The following ZNF676 variants were observed in gnomAD, a reference collection of about 807,000 sequenced individuals.
ZNF676 encodes the protein zinc finger protein 676.
A neutral mutation model predicts 6.0 loss-of-function variants in ZNF676; 4 were observed. That is an observed-to-expected ratio of 0.67 (90% CI 0.33 to 1.53). ZNF676 has a LOEUF of 1.53. ZNF676 is among the 40% of genes most tolerant of loss of function. The pLI is 0.06. For synonymous variants in ZNF676, 198 were observed against 223.1 expected, an observed-to-expected ratio of 0.89 and a Z score of 1.00; for missense variants, 644 against 679.7, an observed-to-expected ratio of 0.95 and a Z score of 0.58.
At chr19:22,198,391 A>G (rs2144779841), upstream of ZNF676, among the ~76,000 whole-genome samples, 2 of 152,344 alleles carry the variant, frequency 1.3e-5, no homozygotes, top group Middle Eastern at 3.4e-3. Flanking sequence ...TAAAGCAGTT[A>G]AGACAAACTC....
intron 1 of ZNF676, among the ~76,000 whole-genome samples, chr19:22,210,559 A>G (rs566083023): frequency 6.6e-6 from 1 of 152,362 alleles, no homozygotes; most frequent in South Asian, 2.1e-4. Context: ...GTGGGAAAAG[A>G]TGAAGCATAT....
At chr19:22,194,685 C>A (rs116930351) in intron 1 of ZNF676, among the ~76,000 whole-genome samples, 16 of 152,088 alleles carry the variant, frequency 1.1e-4, no homozygotes, top group South Asian at 1.0e-3. Context: ...CATCATTGGG[C>A]GAATCAGTGC....
upstream of ZNF676, chr19:22,215,802 C>A (rs12981891): frequency 1.6e-5 from 11 of 688,672 alleles, no homozygotes; most frequent in South Asian, 5.6e-5. Context: ...ACCTGTCCCC[C>A]CCCCCAGCTG....
the ZNF676 span, among the ~76,000 whole-genome samples, chr19:22,238,669 T>C: frequency 1.3e-5 from 2 of 152,156 alleles, no homozygotes; most frequent in African/African-American, 2.4e-5. Flanking sequence ...TATATACATA[T>C]ATGTTAATTA....
chr19:22,238,284 T>C, the ZNF676 span, among the ~76,000 whole-genome samples: 16 of 152,098 alleles, frequency 1.1e-4, no homozygotes, highest in African/African-American at 3.9e-4. Flanking sequence ...ACTCCTGAAC[T>C]CGTGATCCAC....
the ZNF676 span, among the ~76,000 whole-genome samples, chr19:22,231,350 C>T: frequency 6.6e-6 from 1 of 151,720 alleles, no homozygotes; most frequent in Non-Finnish European, 1.5e-5. Context: ...AATAAAATAA[C>T]ATTATTAAGT....
chr19:22,196,270 C>T (rs567006897), intron 1 of ZNF676, among the ~76,000 whole-genome samples: 5 of 152,042 alleles, frequency 3.3e-5, no homozygotes, highest in Non-Finnish European at 7.4e-5. Context: ...GACAGTCACT[C>T]CCTGGTGCCA....
At chr19:22,236,989 C>A in the ZNF676 span, among the ~76,000 whole-genome samples, 1 of 152,186 alleles carries the variant, frequency 6.6e-6, no homozygotes. Flanking sequence ...GACCACGGTT[C>A]CCACTGTTAG....
At chr19:22,219,088 A>T (rs1220282797), upstream of ZNF676, among the ~76,000 whole-genome samples, 4 of 145,874 alleles carry the variant, frequency 2.7e-5, no homozygotes, top group African/African-American at 1.0e-4. Context: ...CAGATCGAAA[A>T]GTTTTTTGTT....
intron 1 of ZNF676, among the ~76,000 whole-genome samples, chr19:22,206,235 A>G (rs1285836089): frequency 1.3e-5 from 2 of 152,202 alleles, no homozygotes; most frequent in East Asian, 3.8e-4. Flanking sequence ...TATTTCTACC[A>G]GAACAATTTC....
chr19:22,207,718 A>C (rs1178387361), intron 1 of ZNF676, among the ~76,000 whole-genome samples: 1 of 152,234 alleles, frequency 6.6e-6, no homozygotes, highest in Non-Finnish European at 1.5e-5. Context: ...TACAGTAAAC[A>C]AAGCAACATG....
Position 22,186,491 on chromosome 19 carries a change from C to G in ZNF676, c.131-4905G>C, listed in dbSNP as rs58036265. 7.3e-4 allele frequency among the ~76,000 whole-genome samples: 111 copies of G among 152,246 alleles called. 1 individual carries two copies. In the East Asian group the frequency reaches 0.02, roughly 27 times the overall value. On this transcript the variant is annotated intron_variant, in intron 2 of 2. Coordinates refer to ENST00000397121, the MANE Select transcript of ZNF676 (RefSeq NM_001001411.3). ...TGCATCAACTAATGGGCAAAATAAC[C>G]AGCTAGCATCATAATGACAGGATCA...
the ZNF676 span, among the ~76,000 whole-genome samples, chr19:22,227,330 G>A: frequency 2.0e-5 from 3 of 152,124 alleles, no homozygotes; most frequent in Non-Finnish European, 4.4e-5. Flanking sequence ...ATGACACAAT[G>A]TACCAGAATC....
chr19:22,240,317 G>A, the ZNF676 span, among the ~76,000 whole-genome samples: 4 of 152,018 alleles, frequency 2.6e-5, no homozygotes, highest in South Asian at 6.2e-4. Context: ...CCTGGGTGCT[G>A]GGCCCAGTGA....
chr19:22,231,217 T>C, the ZNF676 span, among the ~76,000 whole-genome samples: 1 of 146,444 alleles, frequency 6.8e-6, no homozygotes, highest in Non-Finnish European at 1.5e-5. Flanking sequence ...CAAAAAAAAA[T>C]CTGTATAGAT....
the ZNF676 span, among the ~76,000 whole-genome samples, chr19:22,221,292 T>C: frequency 6.6e-6 from 1 of 152,194 alleles, no homozygotes; most frequent in African/African-American, 2.4e-5. Context: ...TCAATTTAAA[T>C]AATTATTTAA....
At chr19:22,251,948 A>G in the ZNF676 span, among the ~76,000 whole-genome samples, 1 of 152,178 alleles carries the variant, frequency 6.6e-6, no homozygotes, top group Non-Finnish European at 1.5e-5. Flanking sequence ...TACTTATTTT[A>G]CTTTACTGTT....
the ZNF676 span, among the ~76,000 whole-genome samples, chr19:22,258,498 G>A: frequency 6.6e-6 from 1 of 152,140 alleles, no homozygotes; most frequent in African/African-American, 2.4e-5. Context: ...GCTGGACCTG[G>A]CAGTCTGTTT....
At position 22,180,171 on chromosome 19, in the gene ZNF676, A is replaced by T. The variant is rs969596229; in HGVS notation, c.1546T>A (p.Trp516Arg). Residue 516 changes from tryptophan to arginine, a missense_variant, in exon 3 of 3, where the codon TGG becomes AGG. Physicochemically the swap from Trp to Arg is moderately radical, Grantham distance 101 (BLOSUM62 -3). Transcript: ENST00000397121. ...KCEECGKAFS[W>R]SSILTEHKII... ...TTATGTTCAGTAAGGATCGAGGACC[A>T]GCTGAAGGCTTTGCCACATTCTTCA... The T allele has an allele frequency of 1.9e-6, 3 of 1,611,754 alleles. No homozygotes were observed. In the African/African-American group the frequency reaches 4.0e-5, roughly 22 times the overall value.
Sources: gnomAD v4.1 joint callset for allele counts (sites outside exome capture counted in the v4.1 genomes callset) on GRCh38, gnomAD v4.1.1 for gene constraint, MANE v1.5 for transcripts, NCBI Gene and HGNC (gene_info 2026-07-23, HGNC 2026-07-21) for gene names.